Variants in FRMD4A observed in about 807,000 individuals in gnomAD.
FRMD4A encodes FERM domain-containing protein 4A.
FRMD4A carries 29 observed loss-of-function variants against 129.1 expected under a neutral mutation model. The ratio of observed to expected loss-of-function variants is 0.22; its 90% CI spans 0.17 to 0.31. The LOEUF (loss-of-function observed/expected upper bound fraction) is 0.31, where lower values mean the gene tolerates loss of function less well. FRMD4A is among the 10% of genes least tolerant of loss of function. The pLI is 1.00. For synonymous variants in FRMD4A, 634 were observed against 571.6 expected, an observed-to-expected ratio of 1.11 and a Z score of -1.56; for missense variants, 1,272 against 1,375.8, an observed-to-expected ratio of 0.92 and a Z score of 1.19.
At position 13,967,137 on chromosome 10, in the gene FRMD4A, C is replaced by T. The variant is rs540036877; in HGVS notation, c.46-108225G>A. On this transcript the variant is annotated intron_variant, in intron 2 of 24. Coordinates refer to ENST00000357447, the MANE Select transcript of FRMD4A (RefSeq NM_018027.5). ...AGATCACGAGGTCAGGAAATTGAGA[C>T]CATCCTGGCTAACACGGTGAAACCC... Among the ~76,000 whole-genome samples the T allele has an allele frequency of 7.2e-5, 11 of 152,298 alleles. No homozygotes were observed. The East Asian group carries it at 2.1e-3, about 29-fold the overall frequency.
At chr10:13,909,951 C>T (rs980628691) in intron 2 of FRMD4A, among the ~76,000 whole-genome samples, 2 of 152,198 alleles carry the variant, frequency 1.3e-5, no homozygotes, top group Admixed American at 6.5e-5. Context: ...TAAAAAAGCA[C>T]TGTAATTAAA....
At chr10:13,761,807 C>G in intron 7 of FRMD4A, 138 bp from the exon 8 acceptor site, 1 of 637,374 alleles carries the variant, frequency 1.6e-6, no homozygotes, top group Non-Finnish European at 2.8e-6. Context: ...CTATTTGCTG[C>G]AGGAATACAA....
intron 2 of FRMD4A, among the ~76,000 whole-genome samples, chr10:14,057,428 G>C (rs1317939687): frequency 1.3e-5 from 2 of 152,150 alleles, no homozygotes; most frequent in African/African-American, 4.8e-5. Flanking sequence ...ATAATACCAG[G>C]CTCCATGGCT....
chr10:13,696,853 G>C (rs928542574), intron 14 of FRMD4A, among the ~76,000 whole-genome samples: 10 of 152,136 alleles, frequency 6.6e-5, no homozygotes, highest in Admixed American at 6.5e-4. Context: ...TAAAATGGAG[G>C]TCTTAAAACC....
At chr10:13,984,164 C>T (rs2095572824) in intron 2 of FRMD4A, among the ~76,000 whole-genome samples, 1 of 152,026 alleles carries the variant, frequency 6.6e-6, no homozygotes, top group African/African-American at 2.4e-5. Flanking sequence ...GCTCCTTCAG[C>T]AAAACCCAGG....
chr10:13,908,701 CATTT>C (rs1240626572), intron 2 of FRMD4A, among the ~76,000 whole-genome samples: 2 of 152,230 alleles, frequency 1.3e-5, no homozygotes, highest in South Asian at 2.1e-4. Context: ...GGAATTCATT[CATTT>C]GATGACCTTC....
Position 13,663,442 on chromosome 10 carries a change from C to T in FRMD4A, c.1660+11G>A. On this transcript the variant is annotated intron_variant, in intron 19 of 24. Transcript: ENST00000357447. ...GCTGTAGGTTTGTAAGCAGGAAATGCATAAACCTACCATCCTCAAGAACAA... is the reference window on the plus strand; with the variant it reads ...GCTGTAGGTTTGTAAGCAGGAAATGTATAAACCTACCATCCTCAAGAACAA... The T allele has an allele frequency of 7.3e-7, 1 of 1,378,376 alleles. No individual in the cohort carries two copies. The allele number at this position is 1,378,376 out of a possible 1,614,324, so 85.4% of individuals were successfully genotyped here. A position where few individuals can be genotyped will look rare whatever the true frequency, so the allele number is the denominator to read the frequency against.
chr10:13,849,399 C>G (rs191217649), intron 3 of FRMD4A, among the ~76,000 whole-genome samples: 2 of 152,050 alleles, frequency 1.3e-5, no homozygotes, highest in African/African-American at 4.8e-5. Flanking sequence ...TGGGAAGACA[C>G]GGAATCAACT....
chr10:13,792,259 A>G (rs2093018452), intron 5 of FRMD4A, among the ~76,000 whole-genome samples: 1 of 152,110 alleles, frequency 6.6e-6, no homozygotes, highest in Non-Finnish European at 1.5e-5. Context: ...AACATGGCCA[A>G]GCGTGGGTCA....
At chr10:14,280,400 C>A (rs896841533) in intron 2 of FRMD4A, among the ~76,000 whole-genome samples, 2 of 152,112 alleles carry the variant, frequency 1.3e-5, no homozygotes, top group Non-Finnish European at 2.9e-5. Context: ...CCTGCTTCAG[C>A]CCCCTGATTA....
intron 2 of FRMD4A, among the ~76,000 whole-genome samples, chr10:13,885,147 G>T (rs1206986479): frequency 6.6e-6 from 1 of 152,228 alleles, no homozygotes; most frequent in Non-Finnish European, 1.5e-5. Context: ...GGCTTGGGGA[G>T]GCCAAGGCAG....
intron 14 of FRMD4A, among the ~76,000 whole-genome samples, chr10:13,696,840 T>A (rs1415378871): frequency 6.6e-6 from 1 of 152,198 alleles, no homozygotes; most frequent in African/African-American, 2.4e-5. Context: ...AGATACATGT[T>A]TGTAAAATGG....
At chr10:14,322,877 T>C (rs1843118867) in intron 2 of FRMD4A, among the ~76,000 whole-genome samples, 1 of 152,250 alleles carries the variant, frequency 6.6e-6, no homozygotes, top group African/African-American at 2.4e-5. Context: ...TATTATACTT[T>C]GCAAAGCTGC....
At chr10:14,321,237 T>G (rs1377432225) in intron 2 of FRMD4A, among the ~76,000 whole-genome samples, 1 of 151,936 alleles carries the variant, frequency 6.6e-6, no homozygotes, top group South Asian at 2.1e-4. Flanking sequence ...AGAGAAATAC[T>G]CTATACTTAT....
chr10:13,722,294 C>T (rs1037207892), intron 12 of FRMD4A, among the ~76,000 whole-genome samples: 9 of 145,110 alleles, frequency 6.2e-5, no homozygotes, highest in East Asian at 4.0e-4. Flanking sequence ...TGCAGTGATG[C>T]GATCATAGCT....
At chr10:13,898,046 T>C (rs1292974441) in intron 2 of FRMD4A, among the ~76,000 whole-genome samples, 1 of 151,854 alleles carries the variant, frequency 6.6e-6, no homozygotes, top group East Asian at 1.9e-4. Flanking sequence ...CCAGTCCTTT[T>C]GCCCCAAGCA....
intron 2 of FRMD4A, among the ~76,000 whole-genome samples, chr10:14,031,736 A>G (rs78488425): frequency 0.016 from 2,466 of 152,008 alleles, 69 homozygotes; most frequent in African/African-American, 0.056. Flanking sequence ...GACTACTACC[A>G]TTGCATGTTC....
At chr10:13,844,913 T>C (rs1201297692) in intron 3 of FRMD4A, among the ~76,000 whole-genome samples, 1 of 152,208 alleles carries the variant, frequency 6.6e-6, no homozygotes, top group Non-Finnish European at 1.5e-5. Flanking sequence ...GTACATGAAC[T>C]TGTGGCAATT....
intron 2 of FRMD4A, among the ~76,000 whole-genome samples, chr10:14,099,010 C>G (rs1837158292): frequency 6.6e-6 from 1 of 152,200 alleles, no homozygotes. Context: ...TGAGAGCATC[C>G]AGTGAAATCC....
Sources: gnomAD v4.1 joint callset for allele counts (sites outside exome capture counted in the v4.1 genomes callset) on GRCh38, gnomAD v4.1.1 for gene constraint, MANE v1.5 for transcripts, NCBI Gene and HGNC (gene_info 2026-07-23, HGNC 2026-07-21) for gene names.